WWC2: variants seen among roughly 807,000 people sequenced by gnomAD.
WWC2 encodes protein WWC2.
Under a neutral mutation model 138.5 loss-of-function variants are expected in WWC2, and 101 were observed. The ratio of observed to expected loss-of-function variants is 0.73; its 90% CI spans 0.62 to 0.86. The LOEUF is 0.86. WWC2 is among the 40% of genes least tolerant of loss of function. The pLI is 0.00. For missense variants in WWC2, 1,420 were observed against 1,419.4 expected (o/e 1.00, Z -0.01); for synonymous variants, 558 against 538.4 (o/e 1.04, Z -0.50).
At chr4:183,246,964 T>C (rs17290885) in intron 6 of WWC2, among the ~76,000 whole-genome samples, 6,593 of 152,288 alleles carry the variant, frequency 0.043, 174 homozygotes, top group Non-Finnish European at 0.064. Context: ...CTATAAACTT[T>C]GGATTCATCT....
intron 1 of WWC2, among the ~76,000 whole-genome samples, chr4:183,141,311 G>A (rs961131313): frequency 2.6e-5 from 4 of 152,154 alleles, no homozygotes; most frequent in Non-Finnish European, 5.9e-5. Context: ...CCATGTGTGT[G>A]TGCTTGGGAA....
intron 4 of WWC2, among the ~76,000 whole-genome samples, chr4:183,228,442 A>G (rs1736136186): frequency 6.6e-6 from 1 of 152,096 alleles, no homozygotes; most frequent in Non-Finnish European, 1.5e-5. Flanking sequence ...TACAACATGG[A>G]GCCTATGCTA....
chr4:183,278,190 C>A (rs28849820), intron 16 of WWC2, among the ~76,000 whole-genome samples: 78,927 of 151,062 alleles, frequency 0.52, 21,062 homozygotes, highest in Middle Eastern at 0.59. Flanking sequence ...TCAGCTTTCT[C>A]CATATGGCTA....
intron 4 of WWC2, among the ~76,000 whole-genome samples, chr4:183,214,039 T>C (rs536559544): frequency 1.2e-4 from 19 of 152,262 alleles, no homozygotes; most frequent in African/African-American, 4.1e-4. Flanking sequence ...TAAGCCTAAA[T>C]AGAGTGTTAG....
chr4:183,166,703 G>A (rs4544745), intron 1 of WWC2, among the ~76,000 whole-genome samples: 144,883 of 152,284 alleles, frequency 0.95, 69,350 homozygotes, highest in Non-Finnish European at 1. Flanking sequence ...GTACTCTGAA[G>A]TATACAAAGA....
intron 14 of WWC2, among the ~76,000 whole-genome samples, 199 bp from the exon 15 acceptor site, chr4:183,268,772 G>C (rs539689322): frequency 1.3e-5 from 2 of 152,290 alleles, no homozygotes; most frequent in East Asian, 3.9e-4. Flanking sequence ...GCATGCTCAG[G>C]GGCGTAGTCA....
intron 1 of WWC2, among the ~76,000 whole-genome samples, chr4:183,105,850 A>C (rs931829336): frequency 2.6e-5 from 4 of 151,944 alleles, no homozygotes; most frequent in African/African-American, 4.8e-5. Context: ...ACATTGCGCC[A>C]ATGCACTCCA....
At chr4:183,188,643 C>CTTT (rs11341026) in intron 1 of WWC2, among the ~76,000 whole-genome samples, 10 of 79,750 alleles carry the variant, frequency 1.3e-4, no homozygotes, top group African/African-American at 3.7e-4. Context: ...TTGCTCCTTT[C>CTTT]TTTTTTTTTT....
chr4:183,142,200 A>G (rs1011199521), intron 1 of WWC2, among the ~76,000 whole-genome samples: 1 of 152,232 alleles, frequency 6.6e-6, no homozygotes, highest in African/African-American at 2.4e-5. Flanking sequence ...GACAAGTAGT[A>G]TAAGGGTGAC....
chr4:183,265,052 G>A lies in WWC2; in HGVS notation c.1984G>A (p.Val662Met). 1 of 1,613,718 alleles carries A rather than the reference G, an allele frequency of 6.2e-7. No individual in the cohort carries two copies. The highest frequency in any genetic ancestry group is 8.5e-7 in the Non-Finnish European group (1 of 1,179,718). Reference sequence around the variant, plus strand: ...GAAAACCACTTGTGTGTCGGCTGCTGTGTCTGATGAGTCTGTGGCTGGAGA... The same window carrying A: ...GAAAACCACTTGTGTGTCGGCTGCTATGTCTGATGAGTCTGTGGCTGGAGA... ...GEKTTCVSAA[V>M]SDESVAGDSG... Residue 662 changes from valine to methionine, a missense_variant, in exon 12 of 23, where the codon GTG (valine) becomes ATG (methionine). Val to Met is a conservative substitution (Grantham distance 21). Coordinates refer to ENST00000403733, the MANE Select transcript of WWC2 (RefSeq NM_024949.6).
intron 21 of WWC2, among the ~76,000 whole-genome samples, chr4:183,308,163 C>A (rs1739084796): frequency 6.6e-6 from 1 of 152,028 alleles, no homozygotes; most frequent in Non-Finnish European, 1.5e-5. Context: ...TAAATCTTAA[C>A]AAAATATGTA....
At chr4:183,288,585 A>G (rs779523460) in intron 20 of WWC2, among the ~76,000 whole-genome samples, 3 of 152,200 alleles carry the variant, frequency 2.0e-5, no homozygotes, top group Admixed American at 1.3e-4. Context: ...CTCTCGCTTA[A>G]GGCCTCATGT....
Position 183,195,142 on chromosome 4 carries a change from G to T in WWC2, c.241+1434G>T, listed in dbSNP as rs918280685. Among the ~76,000 whole-genome samples the T allele has an allele frequency of 1.1e-4, 16 of 152,258 alleles. 1 individual carries two copies. In the Middle Eastern group the frequency reaches 0.014, roughly 129 times the overall value. On this transcript the variant is annotated intron_variant, in intron 2 of 22. Transcript: ENST00000403733. ...TGTAAGGGTGAAATGAACTAATTTT[G>T]ATAAAATTCAGTTCACTTTAAGCAC...
At position 183,271,238 on chromosome 4, in the gene WWC2, C is replaced by G; in HGVS notation, c.2559C>G (p.Asp853Glu). 1 of 1,601,674 alleles carries G rather than the reference C, an allele frequency of 6.2e-7. No individual in the cohort carries two copies. The highest frequency in any genetic ancestry group is 1.7e-4 in the Middle Eastern group (1 of 5,972). Residue 853 changes from aspartate (D) to glutamate (E), a missense_variant, in exon 16 of 23, where the codon GAC (aspartate) becomes GAG (glutamate). Transcript: ENST00000403733. ...ACCAGCCGTTAGTAGATTCTATAGACTTGGTGAGTCAAAATTAGAGTATAA... is the reference window on the plus strand; with the variant it reads ...ACCAGCCGTTAGTAGATTCTATAGAGTTGGTGAGTCAAAATTAGAGTATAA... ...QPNQPLVDSIDLDAVSALLAR... is the reference protein window; with the variant it reads ...QPNQPLVDSIELDAVSALLAR...
chr4:183,220,950 C>A (rs2111264708), intron 4 of WWC2, among the ~76,000 whole-genome samples: 1 of 151,522 alleles, frequency 6.6e-6, no homozygotes, highest in African/African-American at 2.4e-5. Context: ...GAAAATATGA[C>A]AATAAGAAAG....
At chr4:183,270,884 C>T (rs1473070) in intron 15 of WWC2, among the ~76,000 whole-genome samples, 196 bp from the exon 16 acceptor site, 105,748 of 152,052 alleles carry the variant, frequency 0.7, 37,043 homozygotes, top group Middle Eastern at 0.76. Context: ...TTATTTCTTA[C>T]TTAGTCACAG....
intron 2 of WWC2, among the ~76,000 whole-genome samples, chr4:183,204,241 G>A (rs930824554): frequency 6.6e-6 from 1 of 152,126 alleles, no homozygotes; most frequent in African/African-American, 2.4e-5. Flanking sequence ...GTGAGTTAGC[G>A]AAGTGCTCTA....
chr4:183,105,056 G>A (rs572462212), intron 1 of WWC2, among the ~76,000 whole-genome samples: 1 of 152,176 alleles, frequency 6.6e-6, no homozygotes, highest in South Asian at 2.1e-4. Context: ...ACAGGTGCAC[G>A]CCACCCTGTA....
At position 183,284,334 on chromosome 4, in the gene WWC2, GTGATAGT is replaced by G. The variant is rs755930827; in HGVS notation, c.2993_2999del (p.Val998GlyfsTer18). The G allele has an allele frequency of 1.2e-6, 2 of 1,613,948 alleles. No individual in the cohort carries two copies. The highest frequency in any genetic ancestry group is 1.7e-6 in the Non-Finnish European group (2 of 1,179,892). On this transcript the variant is annotated frameshift_variant, in exon 19 of 23. Transcript: ENST00000403733. LOFTEE classifies it high-confidence loss of function. ...ACAGCATCCGTTTGTGAGGAGCAGT[GTGATAGT>G]GCGCTCACAGACCTTTTCTCCAGGA... is the stretch of plus-strand genomic sequence containing the variant.
Sources: gnomAD v4.1 joint callset for allele counts (sites outside exome capture counted in the v4.1 genomes callset) on GRCh38, gnomAD v4.1.1 for gene constraint, MANE v1.5 for transcripts, NCBI Gene and HGNC (gene_info 2026-07-23, HGNC 2026-07-21) for gene names.